SPON1: variants seen among roughly 807,000 people sequenced by gnomAD.
SPON1 encodes spondin-1.
SPON1 carries 52 observed loss-of-function variants against 111.7 expected under a neutral mutation model. The ratio of observed to expected loss-of-function variants is 0.47; its 90% CI spans 0.37 to 0.59. The LOEUF (loss-of-function observed/expected upper bound fraction) is 0.59. Among genes scored for constraint, SPON1 ranks in the 20% least tolerant of loss-of-function variants. SPON1 has a pLI of 0.00. For missense variants in SPON1, 957 were observed against 1,068.5 expected (o/e 0.90, Z 1.46); for synonymous variants, 410 against 395.8 (o/e 1.04, Z -0.43).
rs1554942447 is a variant in SPON1, at chr11:14,265,856, G to C, written c.*169G>C. ...GAGACATCCTTTCTGAATACTTCTT[G>C]ATGGGTACAGGCTGAGTGGGGCGCC... On this transcript the variant is annotated 3_prime_UTR_variant, in exon 16 of 16. Coordinates refer to ENST00000576479, the MANE Select transcript of SPON1 (RefSeq NM_006108.4). 2 of 772,496 alleles carry C rather than the reference G, an allele frequency of 2.6e-6. No individual in the cohort carries two copies. The highest frequency in any genetic ancestry group is 1.8e-5 in the South Asian group (1 of 54,472). The allele number at this position is 772,496 out of a possible 1,614,324, so 47.9% of individuals were successfully genotyped here. A position where few individuals can be genotyped will look rare whatever the true frequency, so the allele number is the denominator to read the frequency against.
chr11:14,032,305 T>C (rs1848564834), intron 2 of SPON1, among the ~76,000 whole-genome samples: 1 of 141,196 alleles, frequency 7.1e-6, no homozygotes, highest in Non-Finnish European at 1.6e-5. Flanking sequence ...GGAACGTTTG[T>C]TTCATATTTT....
At chr11:14,134,153 T>C (rs1429179011) in intron 5 of SPON1, among the ~76,000 whole-genome samples, 5 of 152,024 alleles carry the variant, frequency 3.3e-5, no homozygotes, top group Non-Finnish European at 2.9e-5. Flanking sequence ...GTTAGTTGGG[T>C]TCACCCAGTT....
chr11:14,097,898 T>C lies in SPON1; in HGVS notation c.676+17877T>C, dbSNP rs187424571. 1.7e-3 allele frequency among the ~76,000 whole-genome samples: 265 copies of C among 152,398 alleles called. 4 individuals carry two copies. The highest frequency in any genetic ancestry group is 5.9e-3 in the African/African-American group (244 of 41,598). On this transcript the variant is annotated intron_variant, in intron 5 of 15. Transcript: ENST00000576479. ...TTTCTGTGGTCTCCCACTTGTTCAC[T>C]GACAAGGTATGATGTTGACTCTTGG...
intron 5 of SPON1, among the ~76,000 whole-genome samples, chr11:14,084,533 T>C (rs1848990320): frequency 6.6e-6 from 1 of 152,234 alleles, no homozygotes; most frequent in Admixed American, 6.5e-5. Context: ...TGCATTTTCT[T>C]TATCCAGTCT....
intron 6 of SPON1, among the ~76,000 whole-genome samples, chr11:14,178,940 C>T (rs1204818546): frequency 2.6e-5 from 4 of 152,224 alleles, no homozygotes; most frequent in Admixed American, 2.6e-4. Context: ...TGATTAATTT[C>T]AATGACTTGA....
At chr11:14,262,234 T>C (rs1363410200) in intron 14 of SPON1, among the ~76,000 whole-genome samples, 3 of 152,170 alleles carry the variant, frequency 2.0e-5, no homozygotes, top group African/African-American at 7.2e-5. Flanking sequence ...TGCCAGGGTG[T>C]GTTAGAACCA....
intron 2 of SPON1, among the ~76,000 whole-genome samples, chr11:14,025,370 G>T (rs1357428842): frequency 6.6e-6 from 1 of 152,200 alleles, no homozygotes; most frequent in African/African-American, 2.4e-5. Flanking sequence ...AAGTATATAT[G>T]ATGTGCCAGG....
At chr11:14,048,560 G>A in intron 3 of SPON1, among the ~76,000 whole-genome samples, 1 of 152,178 alleles carries the variant, frequency 6.6e-6, no homozygotes, top group East Asian at 1.9e-4. Flanking sequence ...CCATTTGGAT[G>A]CAAAGCTTTG....
intron 3 of SPON1, among the ~76,000 whole-genome samples, chr11:14,059,003 A>G (rs996094580): frequency 4.6e-5 from 7 of 152,170 alleles, no homozygotes; most frequent in Admixed American, 6.5e-5. Flanking sequence ...TGAGGGCCTC[A>G]ATAGTTCTAT....
At chr11:14,043,173 A>G (rs1391932367) in intron 3 of SPON1, among the ~76,000 whole-genome samples, 1 of 152,114 alleles carries the variant, frequency 6.6e-6, no homozygotes, top group African/African-American at 2.4e-5. Flanking sequence ...CCTGTTGTAT[A>G]ACAAGGGAGT....
intron 7 of SPON1, among the ~76,000 whole-genome samples, chr11:14,250,120 AATATAG>A (rs1849036649): frequency 6.6e-6 from 1 of 152,214 alleles, no homozygotes; most frequent in South Asian, 2.1e-4. Context: ...CTCTGTAGAT[AATATAG>A]ATATTAACAC....
chr11:14,237,576 T>C (rs977445189), intron 6 of SPON1, among the ~76,000 whole-genome samples: 2 of 152,240 alleles, frequency 1.3e-5, no homozygotes, highest in Non-Finnish European at 2.9e-5. Context: ...GTGGACAGCG[T>C]GATAGCTATT....
intron 6 of SPON1, among the ~76,000 whole-genome samples, chr11:14,169,620 T>C (rs1848072961): frequency 6.6e-6 from 1 of 151,818 alleles, no homozygotes; most frequent in Non-Finnish European, 1.5e-5. Context: ...TCTAGGGTTT[T>C]TATGGTTTTA....
At chr11:14,110,187 T>C (rs908269858) in intron 5 of SPON1, among the ~76,000 whole-genome samples, 1 of 152,176 alleles carries the variant, frequency 6.6e-6, no homozygotes, top group African/African-American at 2.4e-5. Flanking sequence ...TAAGAGGAAA[T>C]TCCCAGTTAC....
chr11:14,011,032 A>G (rs1289267470), intron 2 of SPON1, among the ~76,000 whole-genome samples: 1 of 152,194 alleles, frequency 6.6e-6, no homozygotes, highest in Non-Finnish European at 1.5e-5. Flanking sequence ...AGAATCAATT[A>G]CATTTTCCTA....
chr11:14,154,436 G>A (rs1458767404), intron 6 of SPON1, among the ~76,000 whole-genome samples: 8 of 152,216 alleles, frequency 5.3e-5, no homozygotes, highest in African/African-American at 1.7e-4. Context: ...GCTGTGACCT[G>A]AGACATATCT....
intron 2 of SPON1, among the ~76,000 whole-genome samples, chr11:13,987,735 G>T (rs1202940187): frequency 6.6e-6 from 1 of 152,196 alleles, no homozygotes; most frequent in Non-Finnish European, 1.5e-5. Context: ...TGTATAAGGT[G>T]TAAGGAAGAG....
intron 1 of SPON1, among the ~76,000 whole-genome samples, chr11:13,966,199 A>G (rs965217533): frequency 4.0e-5 from 6 of 151,618 alleles, no homozygotes; most frequent in African/African-American, 1.5e-4. Flanking sequence ...CCCTCTTCCC[A>G]CAGTCCCCCC....
intron 14 of SPON1, among the ~76,000 whole-genome samples, chr11:14,261,641 A>G (rs529953508): frequency 6.6e-6 from 1 of 152,296 alleles, no homozygotes; most frequent in Non-Finnish European, 1.5e-5. Context: ...CCATGGGTGG[A>G]GGTAACTTGG....
Sources: allele counts gnomAD v4.1 joint callset (sites outside exome capture counted in the v4.1 genomes callset), GRCh38; gene constraint gnomAD v4.1.1; transcripts MANE v1.5; gene names NCBI Gene and HGNC (gene_info 2026-07-23, HGNC 2026-07-21).